The following PEX5 variants were observed in gnomAD, a reference collection of about 807,000 sequenced individuals.
The protein encoded by PEX5 is PTS1 receptor.
Under a neutral mutation model 82.9 loss-of-function variants are expected in PEX5, and 52 were observed. The ratio of observed to expected loss-of-function variants is 0.63; its 90% CI spans 0.50 to 0.79. PEX5 has a LOEUF of 0.79. Among genes scored for constraint, PEX5 ranks in the 30% least tolerant of loss-of-function variants. The pLI is 0.00. For synonymous variants in PEX5, 300 were observed against 318.8 expected, an observed-to-expected ratio of 0.94 and a Z score of 0.63; for missense variants, 719 against 815.2, an observed-to-expected ratio of 0.88 and a Z score of 1.44.
intron 10 of PEX5, among the ~76,000 whole-genome samples, chr12:7,207,187 C>T (rs943533570): frequency 6.6e-6 from 1 of 152,086 alleles, no homozygotes; most frequent in African/African-American, 2.4e-5. Flanking sequence ...TGGAATGACT[C>T]TGAGCTAAGT....
intron 6 of PEX5, among the ~76,000 whole-genome samples, chr12:7,199,833 G>A (rs1205738255): frequency 7.4e-6 from 1 of 135,708 alleles, no homozygotes; most frequent in African/African-American, 2.8e-5. Flanking sequence ...CGGGCGGGGG[G>A]CTGACCCCCA....
intron 6 of PEX5, among the ~76,000 whole-genome samples, chr12:7,200,661 G>GC (rs1943735245): frequency 6.6e-6 from 1 of 152,186 alleles, no homozygotes; most frequent in African/African-American, 2.4e-5. Context: ...GCCGAGGCTG[G>GC]CGGATCACTC....
At chr12:7,200,443 C>T (rs1244686836) in intron 6 of PEX5, among the ~76,000 whole-genome samples, 4 of 146,432 alleles carry the variant, frequency 2.7e-5, no homozygotes, top group African/African-American at 1.0e-4. Context: ...ACATCCCAGA[C>T]GATGGGCGGC....
At chr12:7,188,993 G>A (rs1940407777), upstream of PEX5, 1 of 152,220 alleles carries the variant, frequency 6.6e-6, no homozygotes, top group African/African-American at 2.4e-5. Flanking sequence ...GCGGAAGGAA[G>A]GGCTGACTCA....
intron 9 of PEX5, 123 bp downstream of exon 9, chr12:7,202,827 G>T: frequency 1.3e-6 from 1 of 797,948 alleles, no homozygotes; most frequent in East Asian, 2.6e-5. Context: ...ATCTGTGTCA[G>T]AGTTGCTTGG....
Position 7,191,334 on chromosome 12 carries a change from A to G in PEX5, c.292A>G (p.Asn98Asp), listed in dbSNP as rs374327439. The G allele has an allele frequency of 2.2e-5, 35 of 1,614,058 alleles. No homozygotes were observed. Among genetic ancestry groups the G allele is most frequent in the Admixed American group, 1.0e-4 (6 of 60,006 alleles). Residue 98 changes from asparagine (N) to aspartate (D), a missense_variant, in exon 4 of 16, where the codon AAC (asparagine) becomes GAC (aspartate). Transcript: ENST00000675855. Reference protein sequence around the residue: ...LAEMQQIEQSNFRQAPQRAPG... With the variant: ...LAEMQQIEQSDFRQAPQRAPG... ...TGAGATGCAGCAGATTGAGCAGTCA[A>G]ACTTCCGCCAGGCTCCCCAGAGAGG...
At chr12:7,208,320 A>G (rs1479228397) in intron 12 of PEX5, 137 bp from the exon 13 acceptor site, 1 of 758,806 alleles carries the variant, frequency 1.3e-6, no homozygotes, top group Non-Finnish European at 2.3e-6. Context: ...TAACTTTATT[A>G]TTAACTCATG....
Position 7,210,250 on chromosome 12 carries a change from T to TCC in PEX5, c.*28_*29dup. ...AGTGGGACGGGCTGCCCTGTGAGTGTCCACCTGGAGGGATCCCCGCTTTGG... is the reference window on the plus strand; with the variant it reads ...AGTGGGACGGGCTGCCCTGTGAGTGTCCCCACCTGGAGGGATCCCCGCTTTGG... On this transcript the variant is annotated 3_prime_UTR_variant, in exon 16 of 16. Coordinates refer to ENST00000675855, the MANE Select transcript of PEX5 (RefSeq NM_001351132.2). 6.2e-7 allele frequency: 1 copy of TCC among 1,605,774 alleles called. No individual in the cohort carries two copies. Among genetic ancestry groups the TCC allele is most frequent in the Non-Finnish European group, 8.5e-7 (1 of 1,173,136 alleles).
downstream of PEX5, among the ~76,000 whole-genome samples, chr12:7,211,956 T>A (rs1429472354): frequency 3.0e-3 from 35 of 11,590 alleles, no homozygotes; most frequent in Non-Finnish European, 7.2e-3. Context: ...GGAAAAAAAA[T>A]TTTTTTTTTT....
At chr12:7,204,447 C>T (rs148418592) in intron 10 of PEX5, among the ~76,000 whole-genome samples, 9 of 152,194 alleles carry the variant, frequency 5.9e-5, no homozygotes, top group Admixed American at 2.0e-4. Flanking sequence ...GTTTGAGAGC[C>T]AGTGAAGAAC....
At chr12:7,206,274 G>T (rs1024628554) in intron 10 of PEX5, among the ~76,000 whole-genome samples, 6 of 152,202 alleles carry the variant, frequency 3.9e-5, no homozygotes, top group Non-Finnish European at 8.8e-5. Context: ...GTAATACTTT[G>T]TGACAAGTGA....
chr12:7,194,082 C>T (rs1941676067), intron 5 of PEX5, among the ~76,000 whole-genome samples: 1 of 151,940 alleles, frequency 6.6e-6, no homozygotes, highest in Admixed American at 6.6e-5. Context: ...TCGTAACTGA[C>T]TTTTTTTTAT....
intron 5 of PEX5, among the ~76,000 whole-genome samples, chr12:7,194,608 C>T (rs1195774670): frequency 1.3e-5 from 2 of 152,202 alleles, no homozygotes; most frequent in Non-Finnish European, 2.9e-5. Flanking sequence ...GTAATGGAAT[C>T]CCCCCGTCTT....
rs116543770 is a variant in PEX5, at chr12:7,205,680, G to A, written c.967-1979G>A. Among the ~76,000 whole-genome samples, 693 of 152,282 alleles carry A rather than the reference G, an allele frequency of 4.6e-3. 7 individuals carry two copies. The highest frequency in any genetic ancestry group is 0.015 in the African/African-American group (641 of 41,552). On this transcript the variant is annotated intron_variant, in intron 10 of 15. Coordinates refer to ENST00000675855, the MANE Select transcript of PEX5 (RefSeq NM_001351132.2). ...GTGGGTTGTTGAGGGATCCCCCAGAGTACTCTTTTTCCATCATCTATGCAA... is the reference window on the plus strand; with the variant it reads ...GTGGGTTGTTGAGGGATCCCCCAGAATACTCTTTTTCCATCATCTATGCAA...
intron 12 of PEX5, 90 bp downstream of exon 12, chr12:7,208,170 T>G (rs1945056864): frequency 1.0e-5 from 10 of 993,622 alleles, no homozygotes; most frequent in Non-Finnish European, 1.6e-5. Flanking sequence ...GATCCTTGTC[T>G]TCTTTCTGAG....
intron 6 of PEX5, among the ~76,000 whole-genome samples, chr12:7,201,276 C>T (rs942974557): frequency 2.7e-5 from 4 of 149,880 alleles, no homozygotes; most frequent in African/African-American, 9.8e-5. Flanking sequence ...TGTATACACA[C>T]ACATAGACAT....
At chr12:7,213,295 C>G (rs978142026), downstream of PEX5, among the ~76,000 whole-genome samples, 2 of 152,048 alleles carry the variant, frequency 1.3e-5, no homozygotes, top group Non-Finnish European at 2.9e-5. Context: ...AAGAACAAAG[C>G]TGGAGGCATC....
downstream of PEX5, among the ~76,000 whole-genome samples, chr12:7,215,212 A>T (rs755969549): frequency 6.6e-6 from 1 of 152,226 alleles, no homozygotes; most frequent in Non-Finnish European, 1.5e-5. Flanking sequence ...ACCATCTCAC[A>T]CCAGTCAGAA....
In PEX5 at chr12:7,196,383, TTA is replaced by T. The variant is rs1325082357; in HGVS notation, c.449-2626_449-2625del. Reference sequence around the variant, plus strand: ...ATATATGACATATATAATGTAATAATTATGTGTCATACATATATGTGTCATAT... The same window carrying T: ...ATATATGACATATATAATGTAATAATTGTGTCATACATATATGTGTCATAT... On this transcript the variant is annotated intron_variant, in intron 5 of 15. Transcript: ENST00000675855. Among the ~76,000 whole-genome samples, 8 of 138,646 alleles carry T rather than the reference TTA, an allele frequency of 5.8e-5. No homozygotes were observed. The South Asian group carries it at 7.2e-4, about 12-fold the overall frequency. The allele number at this position is 138,646 out of a possible 152,430, so 91.0% of individuals were successfully genotyped here.
Sources: gnomAD v4.1 joint callset for allele counts (sites outside exome capture counted in the v4.1 genomes callset) on GRCh38, gnomAD v4.1.1 for gene constraint, MANE v1.5 for transcripts, NCBI Gene and HGNC (gene_info 2026-07-23, HGNC 2026-07-21) for gene names.